The following GMDS variants were observed in gnomAD, a reference collection of about 807,000 sequenced individuals.
The protein encoded by GMDS is GDP-mannose 4,6-dehydratase.
Under a neutral mutation model 49.9 loss-of-function variants are expected in GMDS, and 20 were observed. The observed-to-expected ratio is 0.40, with a 90% CI of 0.28 to 0.58. The LOEUF is 0.58. GMDS is among the 20% of genes least tolerant of loss of function. GMDS has a pLI of 0.42. For synonymous variants in GMDS, 177 were observed against 178.6 expected, an observed-to-expected ratio of 0.99 and a Z score of 0.07; for missense variants, 362 against 481.4, an observed-to-expected ratio of 0.75 and a Z score of 2.32.
In GMDS at chr6:1,635,405, C is replaced by T. The variant is rs770373230; in HGVS notation, c.988-10865G>A. Among the ~76,000 whole-genome samples, 4 of 152,208 alleles carry T rather than the reference C, an allele frequency of 2.6e-5. No homozygotes were observed. The highest frequency in any genetic ancestry group is 6.5e-5 in the Admixed American group (1 of 15,284). ...ACCAACATGGCCCACTTTCATCCTC[C>T]GGCTGCAGCAGGAGGAAGTCCGAGA... On this transcript the variant is annotated intron_variant, in intron 9 of 10. Coordinates refer to ENST00000380815, the MANE Select transcript of GMDS (RefSeq NM_001500.4). This position sits in a 1 kb window ranked among gnomAD's most constrained non-coding sequence, Gnocchi z 4.7.
At chr6:1,824,014 G>A (rs955639839) in intron 7 of GMDS, among the ~76,000 whole-genome samples, 1 of 152,028 alleles carries the variant, frequency 6.6e-6, no homozygotes, top group Admixed American at 6.6e-5. Flanking sequence ...CTCCTCCTAA[G>A]AACATCCCTT....
At chr6:2,086,357 A>G (rs988762613) in intron 4 of GMDS, among the ~76,000 whole-genome samples, 9 of 152,230 alleles carry the variant, frequency 5.9e-5, no homozygotes, top group Non-Finnish European at 1.3e-4. Context: ...AGTCAAAGAC[A>G]TTGATCTTAC....
At chr6:1,946,927 G>A (rs1019265809) in intron 6 of GMDS, among the ~76,000 whole-genome samples, 7 of 152,202 alleles carry the variant, frequency 4.6e-5, no homozygotes, top group African/African-American at 9.7e-5. Context: ...TCAGAAAAGC[G>A]ATTTCATTTT....
intron 9 of GMDS, among the ~76,000 whole-genome samples, chr6:1,698,143 G>A (rs1042191685): frequency 1.3e-5 from 2 of 152,208 alleles, no homozygotes; most frequent in Admixed American, 6.5e-5. Flanking sequence ...GCGCTCTGGG[G>A]CCGGACTCCA....
chr6:2,117,487 G>T lies in GMDS; in HGVS notation c.217C>A (p.Gln73Lys). 1 of 1,591,770 alleles carries T rather than the reference G, an allele frequency of 6.3e-7. No individual in the cohort carries two copies. Among genetic ancestry groups the T allele is most frequent in the Non-Finnish European group, 8.6e-7 (1 of 1,159,700 alleles). ...GACTTACTTCCTTCAATGTGAGCCT[G>T]GGGATTCTTATACAGATGCTCAATT... is the stretch of plus-strand genomic sequence containing the variant. The part of the protein sequence containing the change: ...GRIEHLYKNP[Q>K]AHIEGNMKLH... The change falls in exon 3 of 11, where the codon CAG (glutamine) becomes AAG (lysine). Residue 73 changes from glutamine to lysine, a missense_variant. Physicochemically the swap from Gln to Lys is moderately conservative, Grantham distance 53. Transcript: ENST00000380815.
At chr6:2,093,748 A>G (rs1581640573) in intron 4 of GMDS, among the ~76,000 whole-genome samples, 1 of 152,112 alleles carries the variant, frequency 6.6e-6, no homozygotes, top group Admixed American at 6.5e-5. Context: ...TATGTCAGAA[A>G]TATCTGATAA....
At chr6:1,959,226 T>C (rs1477304280) in intron 6 of GMDS, among the ~76,000 whole-genome samples, 1 of 152,180 alleles carries the variant, frequency 6.6e-6, no homozygotes, top group Non-Finnish European at 1.5e-5. Context: ...AAGAGGTTTT[T>C]AAATGTTCCT....
intron 4 of GMDS, among the ~76,000 whole-genome samples, chr6:1,986,941 A>G (rs988326239): frequency 1.3e-5 from 2 of 152,342 alleles, no homozygotes; most frequent in Admixed American, 1.3e-4. Flanking sequence ...ATTTTTTCAA[A>G]GGAGATATTG....
At chr6:2,181,978 C>T (rs189258852) in intron 1 of GMDS, among the ~76,000 whole-genome samples, 1 of 152,298 alleles carries the variant, frequency 6.6e-6, no homozygotes, top group Admixed American at 6.5e-5. Flanking sequence ...GCCTCTTGCA[C>T]CAAACAGTTA....
chr6:1,823,113 G>A (rs771477535), intron 7 of GMDS, among the ~76,000 whole-genome samples: 1 of 152,106 alleles, frequency 6.6e-6, no homozygotes, highest in Non-Finnish European at 1.5e-5. Context: ...TACTAGAAGT[G>A]TGTAAAATAT....
At chr6:1,939,528 T>C (rs141100276) in intron 6 of GMDS, among the ~76,000 whole-genome samples, 18 of 150,822 alleles carry the variant, frequency 1.2e-4, no homozygotes, top group African/African-American at 4.4e-4. Flanking sequence ...TACACACACA[T>C]ATATATACAC....
chr6:2,131,545 T>C (rs1478452232), intron 1 of GMDS, among the ~76,000 whole-genome samples: 1 of 152,046 alleles, frequency 6.6e-6, no homozygotes. Context: ...TACAATGGAG[T>C]CCAAGATAAA....
At chr6:1,624,818 C>G in intron 9 of GMDS, 2 of 180,740 alleles carry the variant, frequency 1.1e-5, no homozygotes, top group Non-Finnish European at 2.2e-5. Context: ...GTCCCTTGGG[C>G]TCTTAATGCT....
intron 1 of GMDS, among the ~76,000 whole-genome samples, chr6:2,205,831 T>C (rs925831329): frequency 6.6e-6 from 1 of 152,198 alleles, no homozygotes; most frequent in Non-Finnish European, 1.5e-5. Context: ...AGAGAGGTTT[T>C]TGATAATGAT....
chr6:1,949,716 T>C (rs1347761574), intron 6 of GMDS, among the ~76,000 whole-genome samples: 1 of 152,202 alleles, frequency 6.6e-6, no homozygotes. Context: ...CCAGATGATG[T>C]CACTTTGTGC....
At chr6:2,099,122 TA>T (rs1477212333) in intron 4 of GMDS, among the ~76,000 whole-genome samples, 1 of 152,160 alleles carries the variant, frequency 6.6e-6, no homozygotes, top group Non-Finnish European at 1.5e-5. Context: ...CCACTATTTT[TA>T]CATTATAAAC....
At chr6:1,974,018 A>C (rs1251726502) in intron 4 of GMDS, among the ~76,000 whole-genome samples, 1 of 152,192 alleles carries the variant, frequency 6.6e-6, no homozygotes, top group East Asian at 1.9e-4. Flanking sequence ...TGTAAGTCAC[A>C]AAACAAGAGA....
intron 1 of GMDS, among the ~76,000 whole-genome samples, chr6:2,194,651 C>A (rs536028225): frequency 4.3e-4 from 65 of 152,316 alleles, no homozygotes; most frequent in Middle Eastern, 3.4e-3. Context: ...AAGTGCTACA[C>A]GCACACACTT....
chr6:1,711,877 C>A (rs12193217), intron 9 of GMDS, among the ~76,000 whole-genome samples: 13,310 of 152,230 alleles, frequency 0.087, 710 homozygotes, highest in East Asian at 0.16. Flanking sequence ...GTGAAGGCCC[C>A]ACCCGAGCAC....
Sources: allele counts gnomAD v4.1 joint callset (sites outside exome capture counted in the v4.1 genomes callset), GRCh38; gene constraint gnomAD v4.1.1; non-coding constraint Gnocchi (gnomAD v3.1); transcripts MANE v1.5; gene names NCBI Gene and HGNC (gene_info 2026-07-23, HGNC 2026-07-21).